FBXW10B: variants seen among roughly 807,000 people sequenced by gnomAD.
FBXW10B encodes F-box and WD repeat domain containing 10B.
chr17:15,608,275 C>A, the FBXW10B span, among the ~76,000 whole-genome samples: 2 of 145,860 alleles, frequency 1.4e-5, no homozygotes, highest in Non-Finnish European at 3.0e-5. Flanking sequence ...GATTCTCCTG[C>A]CTCAGCCTCC....
the FBXW10B span, among the ~76,000 whole-genome samples, chr17:15,593,978 A>G: frequency 6.6e-6 from 1 of 152,112 alleles, no homozygotes; most frequent in African/African-American, 2.4e-5. Context: ...CTCTCAAGAC[A>G]TACCTCTTCC....
chr17:15,586,822 A>T, the FBXW10B span, among the ~76,000 whole-genome samples: 1 of 151,700 alleles, frequency 6.6e-6, no homozygotes, highest in African/African-American at 2.4e-5. Context: ...GTAGAGATAG[A>T]AGGGATAGAA....
chr17:15,615,874 A>G, the FBXW10B span: 1 of 1,605,902 alleles, frequency 6.2e-7, no homozygotes, highest in Middle Eastern at 1.7e-4. Flanking sequence ...AATGAGGTGG[A>G]GAGAAACTTT....
the FBXW10B span, chr17:15,566,083 A>G: frequency 6.2e-7 from 1 of 1,607,392 alleles, no homozygotes; most frequent in Non-Finnish European, 8.5e-7. Flanking sequence ...GCTCAATCTC[A>G]ACCGATCAAC....
the FBXW10B span, among the ~76,000 whole-genome samples, chr17:15,601,153 T>C: frequency 1.3e-5 from 2 of 150,314 alleles, no homozygotes; most frequent in South Asian, 4.2e-4. Flanking sequence ...CTCACGCCTG[T>C]AATCCCAGCA....
At chr17:15,569,641 G>C in the FBXW10B span, among the ~76,000 whole-genome samples, 1 of 150,852 alleles carries the variant, frequency 6.6e-6, no homozygotes, top group Admixed American at 6.6e-5. Flanking sequence ...TTTTTACTTT[G>C]TGTGGCCGGT....
the FBXW10B span, among the ~76,000 whole-genome samples, chr17:15,608,161 C>CTT: frequency 8.7e-6 from 1 of 114,616 alleles, no homozygotes; most frequent in African/African-American, 4.7e-5. Context: ...TATGCATTTG[C>CTT]ATTTTTTTTT....
the FBXW10B span, among the ~76,000 whole-genome samples, chr17:15,595,404 T>C: frequency 6.6e-6 from 1 of 151,784 alleles, no homozygotes; most frequent in African/African-American, 2.4e-5. Flanking sequence ...ATGGAGTCCA[T>C]TCCACATAGA....
chr17:15,593,960 G>A, the FBXW10B span, among the ~76,000 whole-genome samples: 5 of 152,028 alleles, frequency 3.3e-5, no homozygotes, highest in African/African-American at 9.7e-5. Context: ...GAAGTAAACC[G>A]TGAGCTTCTC....
At chr17:15,602,139 A>G in the FBXW10B span, among the ~76,000 whole-genome samples, 1 of 151,798 alleles carries the variant, frequency 6.6e-6, no homozygotes, top group Non-Finnish European at 1.5e-5. Context: ...AAAAGTGAAA[A>G]GTAGAATTTC....
the FBXW10B span, among the ~76,000 whole-genome samples, chr17:15,590,547 T>G: frequency 1.4e-5 from 2 of 147,850 alleles, no homozygotes; most frequent in Non-Finnish European, 3.0e-5. Flanking sequence ...GGTTTATAGT[T>G]GACCTTCACA....
chr17:15,591,975 C>A, the FBXW10B span, among the ~76,000 whole-genome samples: 1 of 152,140 alleles, frequency 6.6e-6, no homozygotes, highest in Non-Finnish European at 1.5e-5. Flanking sequence ...CCTCCCTGTC[C>A]CCTTCCTGTG....
At chr17:15,613,651 C>T in the FBXW10B span, 43 of 1,593,394 alleles carry the variant, frequency 2.7e-5, no homozygotes, top group Middle Eastern at 1.8e-4. Flanking sequence ...TGAAGCCGTG[C>T]GCTGACAAGT....
At chr17:15,570,268 G>A in the FBXW10B span, among the ~76,000 whole-genome samples, 3 of 152,318 alleles carry the variant, frequency 2.0e-5, no homozygotes, top group South Asian at 2.1e-4. Context: ...GAGAATGAGC[G>A]AAGAGACAAA....
chr17:15,597,801 A>G, the FBXW10B span, among the ~76,000 whole-genome samples: 12 of 152,180 alleles, frequency 7.9e-5, no homozygotes, highest in Admixed American at 5.2e-4. Flanking sequence ...TGACACTTAC[A>G]TGGCACTAAC....
At chr17:15,590,090 G>A in the FBXW10B span, among the ~76,000 whole-genome samples, 1 of 150,962 alleles carries the variant, frequency 6.6e-6, no homozygotes, top group East Asian at 2.0e-4. Flanking sequence ...CCTGGATGGG[G>A]AGCCCGACCC....
At chr17:15,619,587 G>A in the FBXW10B span, 58 of 1,536,212 alleles carry the variant, frequency 3.8e-5, no homozygotes, top group South Asian at 1.0e-4. Flanking sequence ...GAGGAACGGG[G>A]GGAAATGAAT....
the FBXW10B span, chr17:15,565,590 A>G: frequency 1.2e-6 from 2 of 1,614,250 alleles, no homozygotes; most frequent in African/African-American, 1.3e-5. Context: ...GCTTCGTGAA[A>G]TTATCAATAG....
At chr17:15,596,347 G>T in the FBXW10B span, 5 of 581,214 alleles carry the variant, frequency 8.6e-6, no homozygotes, top group South Asian at 3.0e-4. Context: ...TACCCTCCAC[G>T]GACTCTGAAT....
Sources: allele counts gnomAD v4.1 joint callset (sites outside exome capture counted in the v4.1 genomes callset), GRCh38; gene constraint gnomAD v4.1.1; transcripts MANE v1.5; gene names NCBI Gene and HGNC (gene_info 2026-07-23, HGNC 2026-07-21).